The following RABGAP1L variants were observed in gnomAD, a reference collection of about 807,000 sequenced individuals.
The protein encoded by RABGAP1L is rab GTPase-activating protein 1-like.
RABGAP1L carries 63 observed loss-of-function variants against 137.7 expected under a neutral mutation model. The observed-to-expected ratio is 0.46, with a 90% CI of 0.37 to 0.56. The LOEUF is 0.56. Ranked by LOEUF, RABGAP1L falls within the 20% of genes least tolerant of loss-of-function variation. RABGAP1L has a pLI of 0.00. For synonymous variants in RABGAP1L, 431 were observed against 433.7 expected (o/e 0.99, Z 0.08); for missense variants, 1,095 against 1,244.0 (o/e 0.88, Z 1.80).
At chr1:174,466,658 A>G (rs1657329255) in intron 13 of RABGAP1L, among the ~76,000 whole-genome samples, 1 of 152,106 alleles carries the variant, frequency 6.6e-6, no homozygotes. Flanking sequence ...GTGGTGGCAC[A>G]CCCTTGTAAT....
In RABGAP1L at chr1:174,702,147, A is replaced by G. The variant is rs1198865634; in HGVS notation, c.2060A>G (p.Asp687Gly). ...QLPDLHSHFS[D>G]LNLEAHMYAS... ...CCGGACCTGCATAGCCATTTTTCTG[A>G]TCTGAACCTGGAAGCTCATATGTAT... Residue 687 changes from aspartate (D) to glycine (G), a missense_variant, in exon 17 of 26, where the codon GAT (aspartate) becomes GGT (glycine). Physicochemically the swap from Asp to Gly is moderately conservative, Grantham distance 94 (BLOSUM62 -1). Coordinates refer to ENST00000681986, the MANE Select transcript of RABGAP1L (RefSeq NM_001366446.1). The G allele has an allele frequency of 1.2e-6, 2 of 1,611,602 alleles. No individual in the cohort carries two copies. Among genetic ancestry groups the G allele is most frequent in the African/African-American group, 1.3e-5 (1 of 74,890 alleles).
At chr1:174,956,679 G>A (rs1463538552) in intron 19 of RABGAP1L, among the ~76,000 whole-genome samples, 1 of 138,716 alleles carries the variant, frequency 7.2e-6, no homozygotes, top group Admixed American at 7.6e-5. Context: ...ACTGAGTCTC[G>A]CTCTATCACC....
chr1:174,643,647 A>G (rs945482257), intron 14 of RABGAP1L, among the ~76,000 whole-genome samples: 1 of 152,104 alleles, frequency 6.6e-6, no homozygotes, highest in Non-Finnish European at 1.5e-5. Context: ...CATTTTTTGC[A>G]TGTCGTTATT....
At chr1:174,896,450 C>T (rs949944968) in intron 19 of RABGAP1L, among the ~76,000 whole-genome samples, 2 of 152,134 alleles carry the variant, frequency 1.3e-5, no homozygotes, top group African/African-American at 4.8e-5. Context: ...TTAATTAGAT[C>T]CCATTTGTCA....
At chr1:174,923,140 T>G (rs893983381) in intron 19 of RABGAP1L, among the ~76,000 whole-genome samples, 2 of 130,744 alleles carry the variant, frequency 1.5e-5, no homozygotes, top group Non-Finnish European at 3.1e-5. Context: ...AACAAGACCC[T>G]ATCTCAGAAA....
chr1:174,817,558 A>G (rs1690569447), intron 19 of RABGAP1L, among the ~76,000 whole-genome samples: 1 of 152,174 alleles, frequency 6.6e-6, no homozygotes, highest in Non-Finnish European at 1.5e-5. Flanking sequence ...AAGACTAGAG[A>G]GGTAAGCAGG....
intron 19 of RABGAP1L, among the ~76,000 whole-genome samples, chr1:174,925,149 A>G (rs1250861553): frequency 6.6e-6 from 1 of 151,990 alleles, no homozygotes; most frequent in African/African-American, 2.4e-5. Flanking sequence ...GCGTATCACA[A>G]GGTCAGTAGA....
intron 13 of RABGAP1L, among the ~76,000 whole-genome samples, chr1:174,571,826 T>A (rs1667999248): frequency 6.6e-6 from 1 of 152,192 alleles, no homozygotes; most frequent in Admixed American, 6.5e-5. Flanking sequence ...GGGAACCAAA[T>A]GAATTATAAA....
At chr1:174,830,775 T>TGG (rs1692035528) in intron 19 of RABGAP1L, among the ~76,000 whole-genome samples, 1 of 148,038 alleles carries the variant, frequency 6.8e-6, no homozygotes, top group African/African-American at 2.5e-5. Context: ...CCGCACCTGG[T>TGG]GAGCTGTTAT....
chr1:174,269,233 T>G (rs1249876837), intron 7 of RABGAP1L, among the ~76,000 whole-genome samples: 1 of 152,244 alleles, frequency 6.6e-6, no homozygotes, highest in Non-Finnish European at 1.5e-5. Context: ...CGTGAGCCAC[T>G]GCGCCACCGC....
At chr1:174,700,715 TAAG>T (rs1255208673) in intron 16 of RABGAP1L, 1 of 166,666 alleles carries the variant, frequency 6.0e-6, no homozygotes, top group Non-Finnish European at 1.3e-5. Flanking sequence ...AAATGGGCAT[TAAG>T]GAGGAAAAAG....
At chr1:174,662,102 CTT>C (rs749496325) in intron 14 of RABGAP1L, among the ~76,000 whole-genome samples, 1 of 90,262 alleles carries the variant, frequency 1.1e-5, no homozygotes. Flanking sequence ...CTTTTCTTTT[CTT>C]TTTTTTTTTT....
chr1:174,335,330 G>A (rs1681388160), intron 11 of RABGAP1L, among the ~76,000 whole-genome samples: 1 of 152,160 alleles, frequency 6.6e-6, no homozygotes, highest in Non-Finnish European at 1.5e-5. Flanking sequence ...GGAAGTTCAA[G>A]TCATTCTAAA....
At chr1:174,677,644 C>T (rs1677742155) in intron 14 of RABGAP1L, among the ~76,000 whole-genome samples, 2 of 152,176 alleles carry the variant, frequency 1.3e-5, no homozygotes, top group African/African-American at 2.4e-5. Context: ...TAGATCTTCA[C>T]AGAAACTATT....
intron 18 of RABGAP1L, among the ~76,000 whole-genome samples, chr1:174,804,971 C>G (rs1160610362): frequency 6.6e-6 from 1 of 152,164 alleles, no homozygotes; most frequent in Non-Finnish European, 1.5e-5. Context: ...AGAGAGGTTA[C>G]AACTTATAAC....
At chr1:174,606,356 C>T (rs1016466353) in intron 13 of RABGAP1L, among the ~76,000 whole-genome samples, 4 of 152,174 alleles carry the variant, frequency 2.6e-5, no homozygotes, top group Non-Finnish European at 5.9e-5. Context: ...CACTGTCTTT[C>T]AGATTGTGCC....
At chr1:174,505,605 C>T (rs1661743318) in intron 13 of RABGAP1L, among the ~76,000 whole-genome samples, 1 of 151,988 alleles carries the variant, frequency 6.6e-6, no homozygotes, top group Non-Finnish European at 1.5e-5. Flanking sequence ...ACCAAAATGT[C>T]ACTTCACACC....
At chr1:174,577,155 C>T (rs1022875680) in intron 13 of RABGAP1L, among the ~76,000 whole-genome samples, 1 of 150,154 alleles carries the variant, frequency 6.7e-6, no homozygotes, top group Non-Finnish European at 1.5e-5. Context: ...ATGATAGCAC[C>T]ATTACATTCC....
chr1:174,243,920 A>G (rs1672039382), intron 5 of RABGAP1L, among the ~76,000 whole-genome samples: 1 of 152,230 alleles, frequency 6.6e-6, no homozygotes, highest in South Asian at 2.1e-4. Flanking sequence ...ATTATAAAAC[A>G]CAAATGTGGA....
Sources: gnomAD v4.1 joint callset for allele counts (sites outside exome capture counted in the v4.1 genomes callset) on GRCh38, gnomAD v4.1.1 for gene constraint, MANE v1.5 for transcripts, NCBI Gene and HGNC (gene_info 2026-07-23, HGNC 2026-07-21) for gene names.